Variants in CACNA2D3 observed in about 807,000 individuals in gnomAD.
The protein encoded by CACNA2D3 is calcium voltage-gated channel auxiliary subunit alpha2delta 3.
Under a neutral mutation model 160.6 loss-of-function variants are expected in CACNA2D3, and 60 were observed. The ratio of observed to expected loss-of-function variants is 0.37; its 90% CI spans 0.30 to 0.46. The LOEUF is 0.46. Among genes scored for constraint, CACNA2D3 ranks in the 20% least tolerant of loss-of-function variants. CACNA2D3 has a pLI of 1.00. For missense variants in CACNA2D3, 1,205 were observed against 1,365.0 expected, an observed-to-expected ratio of 0.88 and a Z score of 1.85; for synonymous variants, 558 against 492.9, an observed-to-expected ratio of 1.13 and a Z score of -1.75.
At chr3:54,139,445 C>A (rs1310644419) in intron 2 of CACNA2D3, among the ~76,000 whole-genome samples, 1 of 152,252 alleles carries the variant, frequency 6.6e-6, no homozygotes, top group African/African-American at 2.4e-5. Context: ...CATGTCAGAG[C>A]AGGCAGAAAT....
chr3:54,731,913 C>T (rs1701396839), intron 11 of CACNA2D3, among the ~76,000 whole-genome samples: 1 of 152,108 alleles, frequency 6.6e-6, no homozygotes, highest in Admixed American at 6.6e-5. Context: ...TTGAAACTGA[C>T]TTTGTATTGG....
chr3:54,826,578 T>A (rs974960095), intron 14 of CACNA2D3, among the ~76,000 whole-genome samples: 1 of 152,178 alleles, frequency 6.6e-6, no homozygotes, highest in Non-Finnish European at 1.5e-5. Context: ...CCATCCATAT[T>A]TGCCCAGGCC....
At chr3:54,403,952 A>G (rs1699524133) in intron 4 of CACNA2D3, among the ~76,000 whole-genome samples, 1 of 152,196 alleles carries the variant, frequency 6.6e-6, no homozygotes. Flanking sequence ...GAAGAAATGC[A>G]AAGCCCGCAT....
intron 3 of CACNA2D3, among the ~76,000 whole-genome samples, chr3:54,341,819 C>T (rs1427496792): frequency 2.6e-5 from 4 of 152,170 alleles, no homozygotes; most frequent in African/African-American, 7.2e-5. Context: ...AGCTAGAGTG[C>T]GGTTTTTTTT....
intron 35 of CACNA2D3, among the ~76,000 whole-genome samples, chr3:55,021,364 A>G (rs1282013886): frequency 6.6e-6 from 1 of 151,792 alleles, no homozygotes; most frequent in Admixed American, 6.6e-5. Context: ...AAAGTTTTTA[A>G]TTGATCCTCC....
At position 54,412,054 on chromosome 3, in the gene CACNA2D3, T is replaced by C. The variant is rs891310305; in HGVS notation, c.381+25280T>C. ...TCTTGTGATTGCTAACATCATAAAT[T>C]AGTTTTATATATTCTTGAACTTTAT... is the stretch of plus-strand genomic sequence containing the variant. On this transcript the variant is annotated intron_variant, in intron 4 of 37. Transcript: ENST00000474759. 1.3e-4 allele frequency among the ~76,000 whole-genome samples: 20 copies of C among 152,194 alleles called. 1 individual carries two copies. The highest frequency in any genetic ancestry group is 4.1e-4 in the African/African-American group (17 of 41,448).
At chr3:54,964,660 A>G (rs919151467) in intron 27 of CACNA2D3, among the ~76,000 whole-genome samples, 3 of 152,176 alleles carry the variant, frequency 2.0e-5, no homozygotes, top group African/African-American at 7.2e-5. Context: ...AAGAAAAGAA[A>G]AATGTGGACC....
intron 27 of CACNA2D3, among the ~76,000 whole-genome samples, chr3:54,912,280 CTGTT>C (rs1352614689): frequency 6.6e-6 from 1 of 152,158 alleles, no homozygotes; most frequent in East Asian, 1.9e-4. Context: ...TTCCCATATT[CTGTT>C]TGTTTGAAGC....
chr3:54,229,330 TACAGGTGCCTGCCACCA>T (rs931324627), intron 2 of CACNA2D3, among the ~76,000 whole-genome samples: 1 of 152,146 alleles, frequency 6.6e-6, no homozygotes. Flanking sequence ...TAGCTGGGAC[TACAGGTGCCTGCCACCA>T]TGCCCGGCTG....
At chr3:55,025,999 CTG>C (rs1703557713) in intron 35 of CACNA2D3, among the ~76,000 whole-genome samples, 1 of 151,794 alleles carries the variant, frequency 6.6e-6, no homozygotes, top group Non-Finnish European at 1.5e-5. Flanking sequence ...AGTGTCCAAA[CTG>C]TAAGTTTGCA....
chr3:54,515,046 G>T (rs1701525475), intron 5 of CACNA2D3, among the ~76,000 whole-genome samples: 1 of 152,170 alleles, frequency 6.6e-6, no homozygotes, highest in Non-Finnish European at 1.5e-5. Flanking sequence ...AGAAGGTATG[G>T]ACGTTTCCTG....
intron 16 of CACNA2D3, among the ~76,000 whole-genome samples, chr3:54,845,682 A>G (rs1190559798): frequency 6.6e-6 from 1 of 152,262 alleles, no homozygotes; most frequent in Non-Finnish European, 1.5e-5. Context: ...TTTAAAGCTA[A>G]TAAAACATTT....
chr3:54,302,977 C>T (rs1401718316), intron 2 of CACNA2D3, among the ~76,000 whole-genome samples: 44 of 151,982 alleles, frequency 2.9e-4, no homozygotes, highest in Admixed American at 2.9e-3. Context: ...TTTTCCATGC[C>T]TGGGAGTCTC....
intron 4 of CACNA2D3, among the ~76,000 whole-genome samples, chr3:54,405,724 C>A (rs985339057): frequency 6.6e-6 from 1 of 151,966 alleles, no homozygotes; most frequent in Non-Finnish European, 1.5e-5. Context: ...AATGGGACTA[C>A]ATCAAACTAA....
chr3:54,177,493 G>C (rs754256109), intron 2 of CACNA2D3, among the ~76,000 whole-genome samples: 1 of 152,138 alleles, frequency 6.6e-6, no homozygotes, highest in Non-Finnish European at 1.5e-5. Flanking sequence ...AACTCCTCGG[G>C]CTTTTTTAAT....
chr3:54,745,599 T>C (rs1282487432), intron 11 of CACNA2D3, among the ~76,000 whole-genome samples: 2 of 152,202 alleles, frequency 1.3e-5, no homozygotes, highest in Non-Finnish European at 2.9e-5. Context: ...TCTAATAAAT[T>C]GCATCACACA....
chr3:54,774,661 G>A (rs1159012823), intron 13 of CACNA2D3, among the ~76,000 whole-genome samples: 37 of 136,338 alleles, frequency 2.7e-4, no homozygotes, highest in African/African-American at 9.9e-4. Context: ...TTGAAATGGA[G>A]TCTCACTCTG....
At chr3:54,216,335 A>T (rs147983020) in intron 2 of CACNA2D3, among the ~76,000 whole-genome samples, 43 of 152,372 alleles carry the variant, frequency 2.8e-4, no homozygotes, top group Non-Finnish European at 5.3e-4. Flanking sequence ...AGTGATGTTT[A>T]AAAGTGCGTG....
At chr3:54,566,718 C>T (rs913937785) in intron 6 of CACNA2D3, among the ~76,000 whole-genome samples, 2 of 152,128 alleles carry the variant, frequency 1.3e-5, no homozygotes, top group Admixed American at 6.5e-5. Context: ...TATAGCCGTA[C>T]GCAGGGGAGT....
Sources: gnomAD v4.1 joint callset for allele counts (sites outside exome capture counted in the v4.1 genomes callset) on GRCh38, gnomAD v4.1.1 for gene constraint, MANE v1.5 for transcripts, NCBI Gene and HGNC (gene_info 2026-07-23, HGNC 2026-07-21) for gene names.